NCEH1: variants seen among roughly 807,000 people sequenced by gnomAD.
NCEH1 encodes 2-acetyl MAGE hydrolase.
NCEH1 carries 9 observed loss-of-function variants against 25.4 expected under a neutral mutation model. The ratio of observed to expected loss-of-function variants is 0.35; its 90% CI spans 0.21 to 0.62. The LOEUF is 0.62. Among genes scored for constraint, NCEH1 ranks in the 20% least tolerant of loss-of-function variants. The pLI, the probability that NCEH1 is intolerant of heterozygous loss-of-function variation, is 0.72. For synonymous variants in NCEH1, 200 were observed against 199.8 expected, an observed-to-expected ratio of 1.00 and a Z score of -0.01; for missense variants, 412 against 501.1, an observed-to-expected ratio of 0.82 and a Z score of 1.70.
chr3:172,667,538 C>T (rs35814809), intron 1 of NCEH1, among the ~76,000 whole-genome samples: 20,288 of 152,220 alleles, frequency 0.13, 1,508 homozygotes, highest in East Asian at 0.2. Context: ...TATCCAGTTC[C>T]ATGGCTTGGA....
intron 1 of NCEH1, among the ~76,000 whole-genome samples, chr3:172,675,319 A>T (rs186334402): frequency 0.11 from 14,965 of 141,800 alleles, 880 homozygotes; most frequent in East Asian, 0.17. Context: ...ATAAATAAAT[A>T]AATAAATAAA....
At chr3:172,676,243 A>C (rs563457193) in intron 1 of NCEH1, among the ~76,000 whole-genome samples, 1 of 152,240 alleles carries the variant, frequency 6.6e-6, no homozygotes, top group East Asian at 1.9e-4. Context: ...CAAACCCCGA[A>C]CCATTTCTTT....
chr3:172,653,245 C>A (rs555934724), intron 1 of NCEH1, among the ~76,000 whole-genome samples: 29 of 152,160 alleles, frequency 1.9e-4, no homozygotes, highest in African/African-American at 7.0e-4. Context: ...CAAAGAAATC[C>A]GGTGGGGCAC....
At chr3:172,694,557 C>T (rs1183822384) in intron 1 of NCEH1, among the ~76,000 whole-genome samples, 1 of 152,156 alleles carries the variant, frequency 6.6e-6, no homozygotes, top group East Asian at 1.9e-4. Context: ...AAAGTCAAAA[C>T]ATCAGTTTTG....
At chr3:172,681,608 A>C (rs1276203522) in intron 1 of NCEH1, among the ~76,000 whole-genome samples, 1 of 152,020 alleles carries the variant, frequency 6.6e-6, no homozygotes, top group Non-Finnish European at 1.5e-5. Flanking sequence ...GAACACATTC[A>C]GCCAGGTGCG....
chr3:172,709,414 G>C (rs1714181433), intron 1 of NCEH1, among the ~76,000 whole-genome samples: 1 of 152,176 alleles, frequency 6.6e-6, no homozygotes, highest in South Asian at 2.1e-4. Flanking sequence ...CATGGGGGAG[G>C]AGAGGGAATG....
At chr3:172,696,108 T>C (rs1003100905) in intron 1 of NCEH1, among the ~76,000 whole-genome samples, 3 of 152,200 alleles carry the variant, frequency 2.0e-5, no homozygotes, top group African/African-American at 7.2e-5. Context: ...TGCCAAGCAC[T>C]GGGTTAAGAA....
In NCEH1 at chr3:172,711,052, G is replaced by C. The variant is rs754897121; in HGVS notation, c.-68C>G. On this transcript the variant is annotated 5_prime_UTR_variant, in exon 1 of 5. Coordinates refer to ENST00000475381, the MANE Select transcript of NCEH1 (RefSeq NM_020792.6). ...GGGCGATACCACCCGGAGACCTCCG[G>C]CAACTTTCTGCCCGCGGCAGCTGCT... 1.9e-6 allele frequency: 3 copies of C among 1,609,796 alleles called. No homozygotes were observed. The highest frequency in any genetic ancestry group is 2.2e-5 in the East Asian group (1 of 44,808).
chr3:172,667,653 G>T (rs1484582534), intron 1 of NCEH1, among the ~76,000 whole-genome samples: 1 of 152,144 alleles, frequency 6.6e-6, no homozygotes, highest in Non-Finnish European at 1.5e-5. Context: ...TCCACCCTAG[G>T]TCATACGGAA....
intron 1 of NCEH1, among the ~76,000 whole-genome samples, chr3:172,668,378 A>G (rs1718326914): frequency 3.5e-5 from 2 of 57,748 alleles, no homozygotes; most frequent in African/African-American, 1.3e-4. Flanking sequence ...TTTTTTTGAG[A>G]GAGTCTCGCT....
At chr3:172,697,670 G>T (rs555995811) in intron 1 of NCEH1, among the ~76,000 whole-genome samples, 5 of 150,856 alleles carry the variant, frequency 3.3e-5, no homozygotes, top group African/African-American at 4.8e-5. Flanking sequence ...AGCGTGGAGG[G>T]AGAGGAGGGA....
chr3:172,702,670 T>C (rs967917947), intron 1 of NCEH1, among the ~76,000 whole-genome samples: 1 of 152,132 alleles, frequency 6.6e-6, no homozygotes, highest in Non-Finnish European at 1.5e-5. Flanking sequence ...GCAGGCGATA[T>C]AGTCAGGTTT....
At chr3:172,643,121 A>G (rs2108493106) in intron 3 of NCEH1, among the ~76,000 whole-genome samples, 1 of 152,204 alleles carries the variant, frequency 6.6e-6, no homozygotes, top group East Asian at 1.9e-4. Context: ...TATTTTTAGT[A>G]GAGATGGGGT....
In NCEH1 at chr3:172,675,380, C is replaced by T. The variant is rs180708473; in HGVS notation, c.139-27266G>A. Reference sequence around the variant, plus strand: ...TGATGGGTGCAGCAAACCAACATGGCTCATGTATACCTATGTAACAAACCT... The same window carrying T: ...TGATGGGTGCAGCAAACCAACATGGTTCATGTATACCTATGTAACAAACCT... On this transcript the variant is annotated intron_variant, in intron 1 of 4. Coordinates refer to ENST00000475381, the MANE Select transcript of NCEH1 (RefSeq NM_020792.6). Among the ~76,000 whole-genome samples the T allele has an allele frequency of 3.6e-3, 541 of 151,258 alleles. 2 individuals carry two copies. The highest frequency in any genetic ancestry group is 0.012 in the African/African-American group (510 of 41,124).
intron 3 of NCEH1, among the ~76,000 whole-genome samples, chr3:172,642,438 C>T (rs1303174465): frequency 6.6e-6 from 1 of 151,576 alleles, no homozygotes; most frequent in Admixed American, 6.6e-5. Context: ...AGCCTCCCAA[C>T]GTGTTGGGAT....
At chr3:172,644,143 T>G (rs34902408) in intron 3 of NCEH1, among the ~76,000 whole-genome samples, 13,170 of 102,874 alleles carry the variant, frequency 0.13, 839 homozygotes, top group Middle Eastern at 0.18. Flanking sequence ...CTAGGGCTTT[T>G]GAGTGACTCT....
At chr3:172,665,786 G>A (rs180679499) in intron 1 of NCEH1, among the ~76,000 whole-genome samples, 11 of 152,334 alleles carry the variant, frequency 7.2e-5, no homozygotes, top group Admixed American at 3.9e-4. Flanking sequence ...CGGACCCGCC[G>A]AGCCATGCGC....
chr3:172,662,973 A>G (rs1175974156), intron 1 of NCEH1, among the ~76,000 whole-genome samples: 1 of 152,040 alleles, frequency 6.6e-6, no homozygotes, highest in African/African-American at 2.4e-5. Flanking sequence ...CAGTTCTGCT[A>G]TGATCTTAGT....
intron 1 of NCEH1, among the ~76,000 whole-genome samples, chr3:172,675,942 C>T (rs1711970713): frequency 6.6e-6 from 1 of 152,078 alleles, no homozygotes; most frequent in Admixed American, 6.5e-5. Context: ...TCTCTTTTCG[C>T]CTAGAAGCAA....
Sources: gnomAD v4.1 joint callset for allele counts (sites outside exome capture counted in the v4.1 genomes callset) on GRCh38, gnomAD v4.1.1 for gene constraint, MANE v1.5 for transcripts, NCBI Gene and HGNC (gene_info 2026-07-23, HGNC 2026-07-21) for gene names.